UNC119B: variants seen among roughly 807,000 people sequenced by gnomAD.
UNC119B encodes protein unc-119 homolog B.
Under a neutral mutation model 23.4 loss-of-function variants are expected in UNC119B, and 16 were observed. The observed-to-expected ratio is 0.68, with a 90% CI of 0.46 to 1.04. The LOEUF (loss-of-function observed/expected upper bound fraction) is 1.04, where lower values mean the gene tolerates loss of function less well. Ranked by LOEUF, UNC119B falls within the 50% of genes least tolerant of loss-of-function variation. UNC119B has a pLI of 0.00. For missense variants in UNC119B, 350 were observed against 361.3 expected (o/e 0.97, Z 0.25); for synonymous variants, 144 against 145.4 (o/e 0.99, Z 0.07).
chr12:120,722,597 C>T lies in UNC119B; in HGVS notation c.*2565C>T, dbSNP rs1180508945. ...CTGCATAGGAGACCCTGCCCTTTGT[C>T]AAGAGCTGGGAGCACATTTCATCAG... On this transcript the variant is annotated 3_prime_UTR_variant, in exon 5 of 5. Transcript: ENST00000344651. 6.6e-6 allele frequency: 1 copy of T among 152,244 alleles called. No homozygotes were observed. Among genetic ancestry groups the T allele is most frequent in the Non-Finnish European group, 1.5e-5 (1 of 68,054 alleles). The allele number at this position is 152,244 out of a possible 1,614,324, so 9.4% of individuals were successfully genotyped here. A position where few individuals can be genotyped will look rare whatever the true frequency, so the allele number is the denominator to read the frequency against.
At chr12:120,715,816 A>G (rs1882769782) in intron 2 of UNC119B, among the ~76,000 whole-genome samples, 1 of 152,136 alleles carries the variant, frequency 6.6e-6, no homozygotes, top group African/African-American at 2.4e-5. Context: ...TACAGGCATG[A>G]GCCACCGTGC....
Position 120,723,467 on chromosome 12 carries a change from A to C in UNC119B, c.*3435A>C, listed in dbSNP as rs1052086762. 8 of 152,546 alleles carry C rather than the reference A, an allele frequency of 5.2e-5. No homozygotes were observed. Among genetic ancestry groups the C allele is most frequent in the African/African-American group, 1.4e-4 (6 of 41,426 alleles). The allele number at this position is 152,546 out of a possible 1,614,324, so 9.4% of individuals were successfully genotyped here. A position where few individuals can be genotyped will look rare whatever the true frequency, so the allele number is the denominator to read the frequency against. ...TTTTTTTCCTGTAAATCTATTTTTT[A>C]CAGAATATAAGAAACATCAATGACC... On this transcript the variant is annotated 3_prime_UTR_variant, in exon 5 of 5. Transcript: ENST00000344651.
At chr12:120,715,025 C>CA (rs1345628309) in intron 2 of UNC119B, among the ~76,000 whole-genome samples, 1 of 151,912 alleles carries the variant, frequency 6.6e-6, no homozygotes, top group East Asian at 1.9e-4. Flanking sequence ...CCCATCTGTA[C>CA]AAAAAATACA....
chr12:120,710,596 G>A lies in UNC119B; in HGVS notation c.122G>A (p.Arg41Gln). ...GGGVLNRLKA[R>Q]RQAPHHAADD... ...GGCGTCCTGAACCGCCTGAAGGCGC[G>A]GCGGCAGGCGCCCCACCACGCGGCC... Residue 41 changes from arginine (R) to glutamine (Q), a missense_variant, in exon 1 of 5, where the codon CGG (arginine) becomes CAG (glutamine). Physicochemically the swap from Arg to Gln is conservative, Grantham distance 43. Coordinates refer to ENST00000344651, the MANE Select transcript of UNC119B (RefSeq NM_001080533.3). 7.0e-7 allele frequency: 1 copy of A among 1,430,044 alleles called. No homozygotes were observed. The highest frequency in any genetic ancestry group is 9.1e-7 in the Non-Finnish European group (1 of 1,097,406). 88.6% of individuals were successfully genotyped at this position (1,430,044 alleles called of 1,614,324 possible).
At chr12:120,714,692 C>CT (rs1353990567) in intron 2 of UNC119B, among the ~76,000 whole-genome samples, 2 of 152,070 alleles carry the variant, frequency 1.3e-5, no homozygotes, top group African/African-American at 4.8e-5. Flanking sequence ...GTTCTCATCT[C>CT]TAAGCCACAT....
chr12:120,716,954 C>T lies in UNC119B; in HGVS notation c.555C>T (p.Asn185=). 1 of 1,613,908 alleles carries T rather than the reference C, an allele frequency of 6.2e-7. No individual in the cohort carries two copies. The change falls in exon 4 of 5, where the codon AAC becomes AAT. Residue 185 remains asparagine (N), a synonymous_variant. Transcript: ENST00000344651. ...ATTTCCGGGAACACTTGCTGAAAAA[C>T]TTTGACTTTGATTTTGGCTTCTGCA... ...RHYFREHLLK[N]FDFDFGFCIP...
intron 2 of UNC119B, 64 bp downstream of exon 2, chr12:120,713,451 C>G: frequency 1.6e-6 from 2 of 1,224,002 alleles, no homozygotes; most frequent in Non-Finnish European, 2.4e-6. Flanking sequence ...AAACTCAAAT[C>G]TTTGTGTGCC....
At chr12:120,712,028 G>C (rs1882682166) in intron 1 of UNC119B, among the ~76,000 whole-genome samples, 1 of 152,172 alleles carries the variant, frequency 6.6e-6, no homozygotes. Flanking sequence ...TGAAAGTACA[G>C]ATGCTCAGCA....
At position 120,710,530 on chromosome 12, in the gene UNC119B, G is replaced by A. The variant is rs750818826; in HGVS notation, c.56G>A (p.Gly19Glu). 13 of 1,374,218 alleles carry A rather than the reference G, an allele frequency of 9.5e-6. No homozygotes were observed. The South Asian group carries it at 2.2e-4, about 23-fold the overall frequency. The allele number at this position is 1,374,218 out of a possible 1,614,324, so 85.1% of individuals were successfully genotyped here. Residue 19 changes from glycine to glutamate, a missense_variant, in exon 1 of 5, where the codon GGG becomes GAG. By Grantham distance (98) the Gly-to-Glu change is moderately conservative (BLOSUM62 -2). Transcript: ENST00000344651. ...GCGGCGTCGGCGGCTGGGCCCGGGG[G>A]GCTGGTGGCTGGCAAGGAGGAGAAG... ...AAAASAAGPG[G>E]LVAGKEEKKK...
chr12:120,710,816 C>T (rs1410008672), intron 1 of UNC119B, 98 bp downstream of exon 1: 2 of 1,167,470 alleles, frequency 1.7e-6, no homozygotes, highest in African/African-American at 3.2e-5. Context: ...GGGTCCCCGC[C>T]AGACCCCCTC....
At chr12:120,712,524 C>T (rs1045205215) in intron 1 of UNC119B, among the ~76,000 whole-genome samples, 3 of 152,082 alleles carry the variant, frequency 2.0e-5, no homozygotes, top group African/African-American at 7.2e-5. Context: ...ATGTCTTCAC[C>T]GGCAGATTTA....
At chr12:120,714,468 C>T (rs757419530) in intron 2 of UNC119B, among the ~76,000 whole-genome samples, 3 of 152,064 alleles carry the variant, frequency 2.0e-5, no homozygotes, top group African/African-American at 7.3e-5. Context: ...TTACAGGTGC[C>T]CACCACCATG....
rs55906857 is a variant in UNC119B at position 120,715,521 on chromosome 12, C to CTTTTT, written c.359-1082_359-1078dup. On this transcript the variant is annotated intron_variant, in intron 2 of 4. Coordinates refer to ENST00000344651, the MANE Select transcript of UNC119B (RefSeq NM_001080533.3). The stretch of plus-strand genomic sequence containing the variant: ...ACATTAGAATGCTTGTTCTCTGATT[C>CTTTTT]TTTTTTTTTTTTTTTTTTTTTTTTT... Among the ~76,000 whole-genome samples the CTTTTT allele has an allele frequency of 1.8e-3, 126 of 71,514 alleles. 22 individuals carry two copies. In the East Asian group the frequency reaches 0.048, roughly 27 times the overall value. The allele number at this position is 71,514 out of a possible 152,430, so 46.9% of individuals were successfully genotyped here. A position where few individuals can be genotyped will look rare whatever the true frequency, so the allele number is the denominator to read the frequency against.
chr12:120,720,132 C>T lies in UNC119B; in HGVS notation c.*100C>T. On this transcript the variant is annotated 3_prime_UTR_variant, in exon 5 of 5. Coordinates refer to ENST00000344651, the MANE Select transcript of UNC119B (RefSeq NM_001080533.3). The stretch of plus-strand genomic sequence containing the variant: ...CAGTTTGTCAACACACATCTGGAAC[C>T]TGGCCCCAGGAAGCCAAGGCTGGGG... 2 of 915,092 alleles carry T rather than the reference C, an allele frequency of 2.2e-6. No homozygotes were observed. The highest frequency in any genetic ancestry group is 3.4e-6 in the Non-Finnish European group (2 of 592,568). 56.7% of individuals were successfully genotyped at this position (915,092 alleles called of 1,614,324 possible). A position where few individuals can be genotyped will look rare whatever the true frequency, so the allele number is the denominator to read the frequency against.
chr12:120,710,694 C>G lies in UNC119B; in HGVS notation c.220C>G (p.Leu74Val), dbSNP rs912204999. The change falls in exon 1 of 5, where the codon CTG becomes GTG. Residue 74 changes from leucine to valine, a missense_variant. By Grantham distance (32) the Leu-to-Val change is conservative. Transcript: ENST00000344651. ...ALDTIRPEHVLRLSRVTENYL... is the reference protein window; with the variant it reads ...ALDTIRPEHVVRLSRVTENYL... ...GGACACCATCCGGCCCGAGCACGTCCTGCGCCTCAGCCGGGTCACCGAGAG... is the reference window on the plus strand; with the variant it reads ...GGACACCATCCGGCCCGAGCACGTCGTGCGCCTCAGCCGGGTCACCGAGAG... 9.7e-6 allele frequency: 14 copies of G among 1,436,394 alleles called. No individual in the cohort carries two copies. The highest frequency in any genetic ancestry group is 1.3e-5 in the Non-Finnish European group (14 of 1,098,248). 89.0% of individuals were successfully genotyped at this position (1,436,394 alleles called of 1,614,324 possible). A position where few individuals can be genotyped will look rare whatever the true frequency, so the allele number is the denominator to read the frequency against.
rs1481694589 is a variant in UNC119B at position 120,716,509 on chromosome 12, ATTC to A, written c.359-113_359-111del. 1.2e-5 allele frequency: 12 copies of A among 1,035,474 alleles called. No individual in the cohort carries two copies. The East Asian group carries it at 1.2e-4, about 10-fold the overall frequency. The allele number at this position is 1,035,474 out of a possible 1,614,324, so 64.1% of individuals were successfully genotyped here. ...AGCAAGTGCGCAGTAAACACTGGCC[ATTC>A]TTCTTGTTGGTGTGGTTACTGGGAT... On this transcript the variant is annotated intron_variant, in intron 2 of 4. Coordinates refer to ENST00000344651, the MANE Select transcript of UNC119B (RefSeq NM_001080533.3).
chr12:120,717,226 TCGG>T (rs1455439334), intron 4 of UNC119B, among the ~76,000 whole-genome samples, 184 bp downstream of exon 4: 3 of 152,172 alleles, frequency 2.0e-5, no homozygotes, highest in Non-Finnish European at 2.9e-5. Context: ...AAACTCTGAC[TCGG>T]CCCGTATGGG....
At position 120,721,726 on chromosome 12, in the gene UNC119B, C is replaced by T. The variant is rs945726741; in HGVS notation, c.*1694C>T. ...TTCAGCCCCGAGAGAGGGGAGAGAC[C>T]ATTCCTCCTGTGGAGTGGGTTCCTT... On this transcript the variant is annotated 3_prime_UTR_variant, in exon 5 of 5. Coordinates refer to ENST00000344651, the MANE Select transcript of UNC119B (RefSeq NM_001080533.3). The T allele has an allele frequency of 6.5e-6, 1 of 152,718 alleles. No homozygotes were observed. Among genetic ancestry groups the T allele is most frequent in the Non-Finnish European group, 1.5e-5 (1 of 68,094 alleles). 9.5% of individuals were successfully genotyped at this position (152,718 alleles called of 1,614,324 possible). A position where few individuals can be genotyped will look rare whatever the true frequency, so the allele number is the denominator to read the frequency against.
chr12:120,710,749 C>T, intron 1 of UNC119B, 31 bp downstream of exon 1: 1 of 1,305,856 alleles, frequency 7.7e-7, no homozygotes, highest in Non-Finnish European at 9.7e-7. Context: ...GCCCTCCCCT[C>T]GCGCCGTGCC....
Sources: allele counts gnomAD v4.1 joint callset (sites outside exome capture counted in the v4.1 genomes callset), GRCh38; gene constraint gnomAD v4.1.1; transcripts MANE v1.5; gene names NCBI Gene and HGNC (gene_info 2026-07-23, HGNC 2026-07-21).